Variants in SBNO1 observed in about 807,000 individuals in gnomAD.
SBNO1 encodes protein strawberry notch homolog 1.
A neutral mutation model predicts 173.6 loss-of-function variants in SBNO1; 23 were observed. That is an observed-to-expected ratio of 0.13 (90% CI 0.10 to 0.19). The LOEUF is 0.19. Among genes scored for constraint, SBNO1 ranks in the 10% least tolerant of loss-of-function variants. The probability of loss-of-function intolerance (pLI) is 1.00; values close to 1 mark genes in which losing one functional copy is unlikely to be tolerated. For missense variants in SBNO1, 1,238 were observed against 1,671.2 expected (o/e 0.74, Z 4.52); for synonymous variants, 632 against 571.5 (o/e 1.11, Z -1.51).
intron 30 of SBNO1, among the ~76,000 whole-genome samples, chr12:123,301,657 C>G (rs892024605): frequency 6.6e-6 from 1 of 152,174 alleles, no homozygotes; most frequent in South Asian, 2.1e-4. Context: ...CAAGACTCAA[C>G]AACAAAAGTT....
intron 7 of SBNO1, among the ~76,000 whole-genome samples, chr12:123,332,440 T>C (rs1871326641): frequency 6.6e-6 from 1 of 151,644 alleles, no homozygotes; most frequent in African/African-American, 2.4e-5. Flanking sequence ...TACAGGCATG[T>C]GCCACCACGC....
chr12:123,299,897 AAAG>A (rs942527320), intron 30 of SBNO1, among the ~76,000 whole-genome samples: 63 of 152,194 alleles, frequency 4.1e-4, no homozygotes, highest in African/African-American at 1.3e-3. Flanking sequence ...TGTGAAAAGA[AAAG>A]AAGGAGGGGG....
At chr12:123,357,345 G>A (rs1874574500) in intron 1 of SBNO1, among the ~76,000 whole-genome samples, 1 of 152,046 alleles carries the variant, frequency 6.6e-6, no homozygotes, top group African/African-American at 2.4e-5. Context: ...AGCTACTCCA[G>A]AGGCTGAGAC....
chr12:123,314,116 T>C (rs1307789560), intron 23 of SBNO1, among the ~76,000 whole-genome samples: 1 of 152,106 alleles, frequency 6.6e-6, no homozygotes, highest in Non-Finnish European at 1.5e-5. Flanking sequence ...CACAAACTTA[T>C]TGTACCAAAG....
chr12:123,317,087 A>G (rs1453396507), intron 21 of SBNO1, 134 bp downstream of exon 21: 4 of 852,668 alleles, frequency 4.7e-6, no homozygotes, highest in Non-Finnish European at 7.5e-6. Flanking sequence ...ATCCTCCCAC[A>G]GTGGCCTCCC....
rs546935469 is a variant in SBNO1 at position 123,307,356 on chromosome 12, A to G, written c.3630+1954T>C. On this transcript the variant is annotated intron_variant, in intron 28 of 31. Transcript: ENST00000602398. ...TTAAGAAGGAATGAAGGAAGGTGGG[A>G]AAAAAAAGAGAAAGGAAGGAAGGAA... Among the ~76,000 whole-genome samples, 13 of 152,074 alleles carry G rather than the reference A, an allele frequency of 8.5e-5. No individual in the cohort carries two copies. The South Asian group carries it at 1.9e-3, about 22-fold the overall frequency.
rs572189288 is a variant in SBNO1 at position 123,353,746 on chromosome 12, C to T, written c.1-3305G>A. Among the ~76,000 whole-genome samples, 4 of 152,242 alleles carry T rather than the reference C, an allele frequency of 2.6e-5. No individual in the cohort carries two copies. In the South Asian group the frequency reaches 6.2e-4, roughly 24 times the overall value. ...AACATTTTCAATCCATAAAATACTT[C>T]GTTAAGACTAAAATAGGGTCTTGGC... On this transcript the variant is annotated intron_variant, in intron 1 of 31. Coordinates refer to ENST00000602398, the MANE Select transcript of SBNO1 (RefSeq NM_001167856.3).
chr12:123,302,526 G>C (rs968697991), intron 30 of SBNO1, among the ~76,000 whole-genome samples: 10 of 151,686 alleles, frequency 6.6e-5, no homozygotes, highest in African/African-American at 2.4e-4. Flanking sequence ...TTACAGGCGT[G>C]AGCCACCACA....
At position 123,291,650 on chromosome 12, in the gene SBNO1, T is replaced by G. The variant is rs1425945382; in HGVS notation, c.*4258A>C. On this transcript the variant is annotated 3_prime_UTR_variant, in exon 32 of 32. Coordinates refer to ENST00000602398, the MANE Select transcript of SBNO1 (RefSeq NM_001167856.3). ...TCTAAAATACAGGAACAAATACTTT[T>G]CTAAATGAAAAGTTTTCCATACTTT... The G allele has an allele frequency of 6.7e-6, 1 of 148,488 alleles. No individual in the cohort carries two copies. The highest frequency in any genetic ancestry group is 1.5e-5 in the Non-Finnish European group (1 of 67,430). 9.2% of individuals were successfully genotyped at this position (148,488 alleles called of 1,614,324 possible).
chr12:123,327,163 T>G (rs779025462), intron 13 of SBNO1, among the ~76,000 whole-genome samples: 5 of 152,038 alleles, frequency 3.3e-5, no homozygotes, highest in Admixed American at 2.6e-4. Flanking sequence ...CACACCACCA[T>G]GCCCAGCTAA....
intron 15 of SBNO1, among the ~76,000 whole-genome samples, chr12:123,324,635 C>A (rs780075923): frequency 6.6e-6 from 1 of 151,920 alleles, no homozygotes; most frequent in African/African-American, 2.4e-5. Context: ...AAAGGAGCAT[C>A]TGAATGCATC....
At chr12:123,342,945 C>T (rs1872727756) in intron 4 of SBNO1, among the ~76,000 whole-genome samples, 1 of 152,138 alleles carries the variant, frequency 6.6e-6, no homozygotes, top group African/African-American at 2.4e-5. Flanking sequence ...AAAACGAGTA[C>T]AACTAATTAA....
intron 4 of SBNO1, among the ~76,000 whole-genome samples, chr12:123,344,159 A>G (rs1395071881): frequency 2.0e-5 from 3 of 152,182 alleles, no homozygotes; most frequent in Non-Finnish European, 4.4e-5. Flanking sequence ...AAAGACCGTA[A>G]CGAGAAGCAT....
chr12:123,345,942 C>T (rs938203209), intron 3 of SBNO1, among the ~76,000 whole-genome samples: 1 of 152,200 alleles, frequency 6.6e-6, no homozygotes, highest in African/African-American at 2.4e-5. Flanking sequence ...GGACTACAGG[C>T]GTGAGCCACT....
At chr12:123,319,746 C>A (rs893495231) in intron 20 of SBNO1, among the ~76,000 whole-genome samples, 154 bp downstream of exon 20, 1 of 151,656 alleles carries the variant, frequency 6.6e-6, no homozygotes, top group Non-Finnish European at 1.5e-5. Flanking sequence ...AATAAAAACA[C>A]GTACAATATT....
chr12:123,331,869 T>C (rs1382653331), intron 7 of SBNO1, among the ~76,000 whole-genome samples: 2 of 152,066 alleles, frequency 1.3e-5, no homozygotes, highest in Non-Finnish European at 2.9e-5. Context: ...TTTTTCTTTT[T>C]TTGAAACGGG....
intron 21 of SBNO1, 139 bp downstream of exon 21, chr12:123,317,082 C>T: frequency 1.2e-6 from 1 of 821,120 alleles, no homozygotes; most frequent in Non-Finnish European, 2.0e-6. Context: ...AAGTTATCCT[C>T]CCACAGTGGC....
chr12:123,304,417 G>C, intron 29 of SBNO1, 165 bp downstream of exon 29: 1 of 519,226 alleles, frequency 1.9e-6, no homozygotes, highest in Non-Finnish European at 3.5e-6. Flanking sequence ...TGCATTTTTA[G>C]TAGAGACGGG....
At chr12:123,320,397 G>T (rs1198204935) in intron 19 of SBNO1, 35 bp downstream of exon 19, 1 of 1,570,286 alleles carries the variant, frequency 6.4e-7, no homozygotes, top group Non-Finnish European at 8.7e-7. Context: ...GGTTCAAATG[G>T]CAAAAATGTC....
Sources: allele counts gnomAD v4.1 joint callset (sites outside exome capture counted in the v4.1 genomes callset), GRCh38; gene constraint gnomAD v4.1.1; transcripts MANE v1.5; gene names NCBI Gene and HGNC (gene_info 2026-07-23, HGNC 2026-07-21).